Variants in ATPSCKMT observed in about 807,000 individuals in gnomAD.
The protein encoded by ATPSCKMT is ATP synthase subunit C lysine N-methyltransferase.
In ATPSCKMT, 24 loss-of-function variants were observed where a neutral mutation model predicts 24.3. The observed-to-expected ratio is 0.99, with a 90% confidence interval of 0.71 to 1.39. The LOEUF (loss-of-function observed/expected upper bound fraction) is 1.39. Ranked by LOEUF, ATPSCKMT falls within the 40% of genes most tolerant of loss-of-function variation. ATPSCKMT has a pLI of 0.00. For synonymous variants in ATPSCKMT, 95 were observed against 110.5 expected (o/e 0.86, Z 0.88); for missense variants, 311 against 298.4 (o/e 1.04, Z -0.31).
chr5:10,230,240 T>C (rs1181021625), intron 4 of ATPSCKMT, among the ~76,000 whole-genome samples: 1 of 150,238 alleles, frequency 6.7e-6, no homozygotes, highest in Non-Finnish European at 1.5e-5. Context: ...GATGGAGGAA[T>C]TTCTATTCTT....
At chr5:10,249,837 G>C (rs772962092) in intron 1 of ATPSCKMT, 21 bp downstream of exon 1, 1 of 1,163,468 alleles carries the variant, frequency 8.6e-7, no homozygotes. Flanking sequence ...CCAGGAACCC[G>C]CCAAGCCGCT....
intron 2 of ATPSCKMT, chr5:10,236,994 T>C (rs978895666): frequency 6.1e-6 from 8 of 1,308,496 alleles, no homozygotes; most frequent in Non-Finnish European, 8.0e-6. Context: ...TGAAAGTGTC[T>C]GGGAGGATGG....
chr5:10,227,980 A>G (rs535217326), intron 4 of ATPSCKMT, among the ~76,000 whole-genome samples: 2 of 152,332 alleles, frequency 1.3e-5, no homozygotes, highest in African/African-American at 4.8e-5. Flanking sequence ...ACACTTCAAT[A>G]TACCTAGTCT....
intron 1 of ATPSCKMT, 64 bp downstream of exon 1, chr5:10,249,794 G>A (rs1169900162): frequency 3.9e-6 from 6 of 1,520,564 alleles, no homozygotes; most frequent in African/African-American, 1.4e-5. Context: ...CTGACCGCGA[G>A]CCCCCGGCCC....
In ATPSCKMT at chr5:10,246,086, T is replaced by G. The variant is rs76275912; in HGVS notation, c.16+3772A>C. ...TTAGCTATCACCCCCGCATCCACCC[T>G]CTATCCCCCAGCCCTAAGCAACCAC... On this transcript the variant is annotated intron_variant, in intron 1 of 4. Transcript: ENST00000511437. Among the ~76,000 whole-genome samples the G allele has an allele frequency of 5.7e-3, 863 of 152,136 alleles. 5 individuals are homozygous for G. The highest frequency in any genetic ancestry group is 0.02 in the African/African-American group (837 of 41,510).
At chr5:10,236,895 G>T (rs1459864837) in intron 2 of ATPSCKMT, 1 of 1,411,158 alleles carries the variant, frequency 7.1e-7, no homozygotes, top group Non-Finnish European at 9.4e-7. Context: ...ATTGATTCTA[G>T]GTCAGCCAAC....
In ATPSCKMT at chr5:10,228,690, A is replaced by AT. The variant is rs530268153; in HGVS notation, c.496-1044dup. Among the ~76,000 whole-genome samples the AT allele has an allele frequency of 9.0e-3, 1,329 of 147,896 alleles. 8 individuals carry two copies. The highest frequency in any genetic ancestry group is 0.028 in the African/African-American group (1,132 of 40,420). On this transcript the variant is annotated intron_variant, in intron 4 of 4. Transcript: ENST00000511437. ...GTATACCTATACCCAGGTTCAAATA[A>AT]TTTTTTTTTTTTTGAGACAAGATTT...
intron 1 of ATPSCKMT, among the ~76,000 whole-genome samples, chr5:10,240,718 A>G (rs1367421813): frequency 6.6e-6 from 1 of 152,132 alleles, no homozygotes; most frequent in Non-Finnish European, 1.5e-5. Context: ...ATTTATGGCC[A>G]GGCGCAGTGG....
At chr5:10,242,083 A>G (rs2126457914) in intron 1 of ATPSCKMT, among the ~76,000 whole-genome samples, 2 of 152,302 alleles carry the variant, frequency 1.3e-5, no homozygotes, top group Admixed American at 1.3e-4. Flanking sequence ...ATGGTTGCTC[A>G]ATGATGAGGG....
intron 1 of ATPSCKMT, among the ~76,000 whole-genome samples, chr5:10,241,306 T>C (rs550668306): frequency 1.3e-5 from 2 of 152,138 alleles, no homozygotes; most frequent in Non-Finnish European, 2.9e-5. Context: ...ACTGATTACA[T>C]CTGTACAGGT....
chr5:10,247,756 T>C (rs1744998458), intron 1 of ATPSCKMT, among the ~76,000 whole-genome samples: 1 of 152,226 alleles, frequency 6.6e-6, no homozygotes, highest in East Asian at 1.9e-4. Context: ...GGCAAGAACT[T>C]TCTTTCAGGT....
chr5:10,246,708 T>C (rs1744948385), intron 1 of ATPSCKMT, among the ~76,000 whole-genome samples: 1 of 152,238 alleles, frequency 6.6e-6, no homozygotes, highest in Non-Finnish European at 1.5e-5. Flanking sequence ...AATTTCATTT[T>C]TCACCTGTGT....
rs750644395 is a variant in ATPSCKMT, at chr5:10,227,083, T to C, written c.*358A>G. 4 of 245,908 alleles carry C rather than the reference T, an allele frequency of 1.6e-5. No individual in the cohort carries two copies. Among genetic ancestry groups the C allele is most frequent in the Non-Finnish European group, 3.2e-5 (4 of 123,894 alleles). 15.2% of individuals were successfully genotyped at this position (245,908 alleles called of 1,614,324 possible). On this transcript the variant is annotated 3_prime_UTR_variant, in exon 5 of 5. Coordinates refer to ENST00000511437, the MANE Select transcript of ATPSCKMT (RefSeq NM_199133.4). ...AGGATACTACAAACAGTTGGTAATA[T>C]ATACTGTCTTTAAAAATCATTTCTC...
chr5:10,241,240 T>A (rs1050927588), intron 1 of ATPSCKMT, among the ~76,000 whole-genome samples: 1 of 152,108 alleles, frequency 6.6e-6, no homozygotes, highest in African/African-American at 2.4e-5. Context: ...ATAGGAACCC[T>A]CATGATAACA....
In ATPSCKMT at chr5:10,239,138, CA is replaced by C. The variant is rs1230355349; in HGVS notation, c.234del (p.Ile78MetfsTer5). ...LPFVPATTKQ[I>X]ENVVKMLRCR... is the part of the protein sequence containing the mutation. ...CATCGCAACATTTTCACAACATTTT[CA>C]ATCTGCTTCGTAGTTGCAGGTACAA... On this transcript the variant is annotated frameshift_variant, in exon 2 of 5. Transcript: ENST00000511437. LOFTEE classifies it high-confidence loss of function. 1 of 1,614,194 alleles carries C rather than the reference CA, an allele frequency of 6.2e-7. No individual in the cohort carries two copies. The highest frequency in any genetic ancestry group is 1.7e-5 in the Admixed American group (1 of 60,024).
intron 1 of ATPSCKMT, among the ~76,000 whole-genome samples, chr5:10,240,954 C>G (rs6868937): frequency 0.26 from 38,849 of 150,068 alleles, 5,519 homozygotes; most frequent in African/African-American, 0.34. Flanking sequence ...CGAGATCACA[C>G]CATTGCATTC....
rs1579418811 is a variant in ATPSCKMT at position 10,230,254 on chromosome 5, A to C, written c.496-2607T>G. 1.5e-5 allele frequency among the ~76,000 whole-genome samples: 2 copies of C among 134,126 alleles called. 1 individual carries two copies. The highest frequency in any genetic ancestry group is 5.2e-5 in the African/African-American group (2 of 38,552). 88.0% of individuals were successfully genotyped at this position (134,126 alleles called of 152,430 possible). A position where few individuals can be genotyped will look rare whatever the true frequency, so the allele number is the denominator to read the frequency against. ...GGATGGAGGAATTTCTATTCTTTTA[A>C]CAGCCAGTATAGATTAAAAAAAAAA... On this transcript the variant is annotated intron_variant, in intron 4 of 4. Transcript: ENST00000511437.
intron 4 of ATPSCKMT, among the ~76,000 whole-genome samples, 191 bp downstream of exon 4, chr5:10,235,020 T>TA (rs1744311095): frequency 2.0e-5 from 3 of 152,234 alleles, no homozygotes; most frequent in Admixed American, 6.5e-5. Context: ...AGTTTAAAAG[T>TA]ATGACTGAAT....
At chr5:10,236,904 AC>A (rs1441715882) in intron 2 of ATPSCKMT, 1 of 1,394,432 alleles carries the variant, frequency 7.2e-7, no homozygotes, top group Non-Finnish European at 9.5e-7. Flanking sequence ...AGGTCAGCCA[AC>A]CCCCGGGGAG....
Sources: gnomAD v4.1 joint callset for allele counts (sites outside exome capture counted in the v4.1 genomes callset) on GRCh38, gnomAD v4.1.1 for gene constraint, MANE v1.5 for transcripts, NCBI Gene and HGNC (gene_info 2026-07-23, HGNC 2026-07-21) for gene names.